CPSF4L: variants seen among roughly 807,000 people sequenced by gnomAD.
CPSF4L encodes the protein cleavage and polyadenylation specific factor 4 like, also known as putative cleavage and polyadenylation specificity factor subunit 4-like protein.
A neutral mutation model predicts 24.0 loss-of-function variants in CPSF4L; 18 were observed. That is an observed-to-expected ratio of 0.75 (90% CI 0.52 to 1.11). CPSF4L has a LOEUF of 1.11. Ranked by LOEUF, CPSF4L falls within the 50% of genes least tolerant of loss-of-function variation. CPSF4L has a pLI of 0.00. For missense variants in CPSF4L, 211 were observed against 221.8 expected, an observed-to-expected ratio of 0.95 and a Z score of 0.31; for synonymous variants, 72 against 77.2, an observed-to-expected ratio of 0.93 and a Z score of 0.35.
chr17:73,252,019 T>C (rs2062007883), intron 5 of CPSF4L, among the ~76,000 whole-genome samples: 3 of 152,206 alleles, frequency 2.0e-5, no homozygotes, highest in African/African-American at 7.2e-5. Flanking sequence ...CCCACATGCA[T>C]GATGACATGC....
chr17:73,256,612 G>A (rs778783474), intron 3 of CPSF4L, among the ~76,000 whole-genome samples: 5 of 152,320 alleles, frequency 3.3e-5, no homozygotes, highest in South Asian at 4.1e-4. Flanking sequence ...TTCCAGCTCC[G>A]AAAAGCTCTG....
chr17:73,249,566 A>G (rs2061994213), intron 5 of CPSF4L, among the ~76,000 whole-genome samples: 1 of 152,054 alleles, frequency 6.6e-6, no homozygotes, highest in Admixed American at 6.6e-5. Context: ...CTGTCTTTTT[A>G]CCAAGGTGGG....
chr17:73,260,483 A>G (rs963348670), intron 2 of CPSF4L, among the ~76,000 whole-genome samples: 5 of 152,080 alleles, frequency 3.3e-5, no homozygotes, highest in Non-Finnish European at 7.4e-5. Flanking sequence ...ATTCTGCTCC[A>G]TGGCCGGGCA....
At chr17:73,247,451 G>A, downstream of CPSF4L, 1 of 1,091,564 alleles carries the variant, frequency 9.2e-7, no homozygotes. Context: ...TAGCATTAAG[G>A]GATAGCTTTT....
downstream of CPSF4L, among the ~76,000 whole-genome samples, chr17:73,244,912 G>A (rs771796756): frequency 6.6e-6 from 1 of 152,174 alleles, no homozygotes; most frequent in Non-Finnish European, 1.5e-5. Flanking sequence ...CATAAATGGA[G>A]AGGCCCAAAA....
At chr17:73,243,984 A>G (rs2061899492), downstream of CPSF4L, among the ~76,000 whole-genome samples, 1 of 152,232 alleles carries the variant, frequency 6.6e-6, no homozygotes, top group East Asian at 1.9e-4. Flanking sequence ...AAGGAGGAAT[A>G]GAATACAGCT....
At chr17:73,244,766 TGAGTA>T (rs2061919935), downstream of CPSF4L, 1 of 160,002 alleles carries the variant, frequency 6.2e-6, no homozygotes, top group Non-Finnish European at 1.4e-5. Flanking sequence ...CAGTGCCTAG[TGAGTA>T]GCGGGTAGGT....
downstream of CPSF4L, among the ~76,000 whole-genome samples, chr17:73,246,153 G>A (rs79822655): frequency 0.014 from 2,088 of 152,238 alleles, 56 homozygotes; most frequent in African/African-American, 0.048. Context: ...TATATCACAC[G>A]CACACACCCG....
At chr17:73,248,803 C>T (rs1486485368) in intron 5 of CPSF4L, 2 of 399,466 alleles carry the variant, frequency 5.0e-6, no homozygotes, top group East Asian at 8.0e-5. Flanking sequence ...ACTGAGTTTA[C>T]TTGGGAATGT....
chr17:73,263,371 G>C (rs1306022961), upstream of CPSF4L, among the ~76,000 whole-genome samples: 1 of 152,160 alleles, frequency 6.6e-6, no homozygotes, highest in Admixed American at 6.5e-5. Context: ...CCTATCCTCA[G>C]AGATGGCCCC....
downstream of CPSF4L, chr17:73,248,437 A>T: frequency 6.8e-7 from 1 of 1,464,168 alleles, no homozygotes; most frequent in East Asian, 2.5e-5. Flanking sequence ...AGGGGGTAAA[A>T]GTCGTGTTCT....
In CPSF4L at chr17:73,261,872, C is replaced by T; in HGVS notation, c.-54G>A. The T allele has an allele frequency of 1.5e-6, 2 of 1,333,788 alleles. No homozygotes were observed. Among genetic ancestry groups the T allele is most frequent in the South Asian group, 1.3e-5 (1 of 79,800 alleles). 82.6% of individuals were successfully genotyped at this position (1,333,788 alleles called of 1,614,324 possible). A position where few individuals can be genotyped will look rare whatever the true frequency, so the allele number is the denominator to read the frequency against. ...CTGCTGGAACCCAGGCAGGTGGGCC[C>T]AATATAGCTCATCAGAGGCCCTTAA... On this transcript the variant is annotated 5_prime_UTR_variant, in exon 1 of 6. Transcript: ENST00000344935.
At chr17:73,249,201 C>G (rs1015915383) in intron 5 of CPSF4L, among the ~76,000 whole-genome samples, 1 of 152,174 alleles carries the variant, frequency 6.6e-6, no homozygotes, top group African/African-American at 2.4e-5. Context: ...TATGTGCCAT[C>G]ATACTATATA....
At chr17:73,242,861 T>C in the CPSF4L span, 827,346 of 1,558,744 alleles carry the variant, frequency 0.53, 220,645 homozygotes, top group East Asian at 0.64. Context: ...TAGTTTCAGT[T>C]GCTGTAACAA....
At chr17:73,258,810 C>T (rs576695714) in intron 2 of CPSF4L, among the ~76,000 whole-genome samples, 1 of 152,348 alleles carries the variant, frequency 6.6e-6, no homozygotes, top group South Asian at 2.1e-4. Context: ...ACACCCAGCC[C>T]AGCCCCTGGC....
downstream of CPSF4L, chr17:73,247,370 G>C (rs563125182): frequency 8.1e-6 from 13 of 1,609,718 alleles, no homozygotes; most frequent in Non-Finnish European, 1.0e-5. Flanking sequence ...AGAAGCCTTC[G>C]TGACTTCTCT....
chr17:73,261,300 C>A (rs1340195305), intron 1 of CPSF4L, among the ~76,000 whole-genome samples: 2 of 152,222 alleles, frequency 1.3e-5, no homozygotes, highest in Non-Finnish European at 2.9e-5. Context: ...GCCCCGAAGC[C>A]ACAGAAGAGA....
At chr17:73,253,158 G>A (rs901904042) in intron 4 of CPSF4L, among the ~76,000 whole-genome samples, 6 of 152,142 alleles carry the variant, frequency 3.9e-5, no homozygotes, top group African/African-American at 7.2e-5. Flanking sequence ...CCAGGAGTTC[G>A]AGACCAGCCT....
intron 5 of CPSF4L, among the ~76,000 whole-genome samples, chr17:73,252,053 G>A (rs892997159): frequency 5.3e-5 from 8 of 152,238 alleles, no homozygotes; most frequent in Non-Finnish European, 7.3e-5. Context: ...GTGAGGGTTC[G>A]CTGGGAACCA....
Sources: gnomAD v4.1 joint callset for allele counts (sites outside exome capture counted in the v4.1 genomes callset) on GRCh38, gnomAD v4.1.1 for gene constraint, MANE v1.5 for transcripts, NCBI Gene and HGNC (gene_info 2026-07-23, HGNC 2026-07-21) for gene names.